MYBBP1A: variants seen among roughly 807,000 people sequenced by gnomAD.
MYBBP1A encodes myb-binding protein 1A.
A neutral mutation model predicts 136.3 loss-of-function variants in MYBBP1A; 147 were observed. That is an observed-to-expected ratio of 1.08 (90% CI 0.94 to 1.24). The LOEUF is 1.24. Ranked by LOEUF, MYBBP1A falls within the 50% of genes most tolerant of loss-of-function variation. MYBBP1A has a pLI of 0.00. For synonymous variants in MYBBP1A, 947 were observed against 735.8 expected (o/e 1.29, Z -4.65); for missense variants, 2,060 against 1,727.4 (o/e 1.19, Z -3.41).
At chr17:4,550,871 A>G (rs1907449287) in intron 8 of MYBBP1A, among the ~76,000 whole-genome samples, 1 of 152,110 alleles carries the variant, frequency 6.6e-6, no homozygotes, top group African/African-American at 2.4e-5. Flanking sequence ...ATTTTTAGCA[A>G]CTCTTTGCGG....
In MYBBP1A at chr17:4,552,099, C is replaced by T. The variant is rs200723070; in HGVS notation, c.905+26G>A. 9.6e-5 allele frequency: 154 copies of T among 1,606,734 alleles called. No homozygotes were observed. Among genetic ancestry groups the T allele is most frequent in the South Asian group, 3.0e-4 (27 of 89,868 alleles). ...CCACTTCACGGACAGGGAAGGGGGC[C>T]GAGAGAGGACACGCGTCGCCCGCAC... On this transcript the variant is annotated intron_variant, in intron 7 of 25. Coordinates refer to ENST00000254718, the MANE Select transcript of MYBBP1A (RefSeq NM_014520.4). The surrounding 1 kb of genome is among the most constrained non-coding windows in gnomAD (Gnocchi z 4.7).
Position 4,541,764 on chromosome 17 carries a change from G to A in MYBBP1A, c.3195+20C>T, listed in dbSNP as rs754970995. On this transcript the variant is annotated intron_variant, in intron 23 of 25. Coordinates refer to ENST00000254718, the MANE Select transcript of MYBBP1A (RefSeq NM_014520.4). ...AACTGATTCTGAGGGGGTGGGGAAA[G>A]GGCGCCCCCCGGCTGTTACCTCGGT... 8.1e-6 allele frequency: 13 copies of A among 1,602,210 alleles called. No individual in the cohort carries two copies. Among genetic ancestry groups the A allele is most frequent in the Non-Finnish European group, 9.4e-6 (11 of 1,169,680 alleles).
chr17:4,543,112 C>G lies in MYBBP1A; in HGVS notation c.2693G>C (p.Gly898Ala), dbSNP rs1906622689. ...CCGCTCCACCTGGGCGTGCAGGGCC[C>G]CTGCGCGCTCACCCAAGTCGTGGCA... ...RYCHDLGERAGALHAQVERLV... is the reference protein window; with the variant it reads ...RYCHDLGERAAALHAQVERLV... The change falls in exon 20 of 26, where the codon GGG (glycine) becomes GCG (alanine). Residue 898 changes from glycine to alanine, a missense_variant. Transcript: ENST00000254718. 1 of 1,612,098 alleles carries G rather than the reference C, an allele frequency of 6.2e-7. No individual in the cohort carries two copies. Among genetic ancestry groups the G allele is most frequent in the African/African-American group, 1.3e-5 (1 of 74,916 alleles).
At position 4,548,250 on chromosome 17, in the gene MYBBP1A, C is replaced by G. The variant is rs9907224; in HGVS notation, c.1617G>C (p.Gln539His). Residue 539 changes from glutamine to histidine, a missense_variant, in exon 12 of 26, where the codon CAG (glutamine) becomes CAC (histidine). Physicochemically the swap from Gln to His is conservative, Grantham distance 24. Coordinates refer to ENST00000254718, the MANE Select transcript of MYBBP1A (RefSeq NM_014520.4). The surrounding 1 kb of genome is among the most constrained non-coding windows in gnomAD (Gnocchi z 4.2). ...KQAPGQTQGG[Q>H]PWTYHLVQFA... ...ACTGCACCAGGTGGTAGGTCCAGGG[C>G]TGCCCACCCTGGGTCTGGCCCGGTG... 3 of 1,611,978 alleles carry G rather than the reference C, an allele frequency of 1.9e-6. No individual in the cohort carries two copies. The highest frequency in any genetic ancestry group is 1.7e-6 in the Non-Finnish European group (2 of 1,179,990).
Position 4,553,928 on chromosome 17 carries a change from C to T in MYBBP1A, c.454-11G>A, listed in dbSNP as rs1225102345. On this transcript the variant is annotated splice_polypyrimidine_tract_variant and intron_variant, in intron 4 of 25. Transcript: ENST00000254718. ...CAGTGCCTCCTGGTCCTGGTCCCCACAGAGGGACAGAGGGTATGAGCAGGG... is the reference window on the plus strand; with the variant it reads ...CAGTGCCTCCTGGTCCTGGTCCCCATAGAGGGACAGAGGGTATGAGCAGGG... 1 of 1,613,980 alleles carries T rather than the reference C, an allele frequency of 6.2e-7. No homozygotes were observed. Among genetic ancestry groups the T allele is most frequent in the Non-Finnish European group, 8.5e-7 (1 of 1,179,942 alleles).
At chr17:4,542,870 C>T (rs754248852) in intron 20 of MYBBP1A, 43 bp downstream of exon 20, 18 of 1,609,142 alleles carry the variant, frequency 1.1e-5, no homozygotes, top group Non-Finnish European at 1.4e-5. Context: ...CACTCCCTGG[C>T]TGTGAAATGC....
Position 4,549,411 on chromosome 17 carries a change from A to G in MYBBP1A, c.1351T>C (p.Trp451Arg). Residue 451 changes from tryptophan to arginine, a missense_variant, in exon 10 of 26, where the codon TGG becomes CGG. Transcript: ENST00000254718. ...ATGCTCACCAATCGAAAGATGATCC[A>G]TTTCCTCAGCCGGAACACAGCTCGC... ...PERAVFRLRK[W>R]IIFRLVSIVD... 6.2e-7 allele frequency: 1 copy of G among 1,613,258 alleles called. No homozygotes were observed. Among genetic ancestry groups the G allele is most frequent in the South Asian group, 1.1e-5 (1 of 91,076 alleles).
chr17:4,544,688 ACAGGGAGGCGGGGGTGGGCG>A (rs748637062), intron 18 of MYBBP1A, 42 bp from the exon 19 acceptor site: 1 of 1,375,510 alleles, frequency 7.3e-7, no homozygotes, highest in African/African-American at 1.8e-5. Context: ...GGGTGGGCGC[ACAGGGAGGCGGGGGTGGGCG>A]CACAGGGAGG....
chr17:4,546,491 C>G (rs1309818210), intron 13 of MYBBP1A, among the ~76,000 whole-genome samples: 1 of 152,094 alleles, frequency 6.6e-6, no homozygotes. Context: ...GACAAGGAGT[C>G]CAACTCCCCC....
intron 19 of MYBBP1A, among the ~76,000 whole-genome samples, chr17:4,543,736 G>A (rs1460099556): frequency 6.6e-6 from 1 of 151,932 alleles, no homozygotes; most frequent in Non-Finnish European, 1.5e-5. Context: ...CCCAGCACCT[G>A]AGCTCTGAAG....
intron 24 of MYBBP1A, 82 bp from the exon 25 acceptor site, chr17:4,540,566 TGTTGCTGCCTC>T: frequency 6.9e-7 from 1 of 1,438,900 alleles, no homozygotes; most frequent in Non-Finnish European, 9.2e-7. Flanking sequence ...ACCTCTGCCC[TGTTGCTGCCTC>T]ACCAGTGACC....
In MYBBP1A at chr17:4,549,316, C is replaced by A. The variant is rs1445763796; in HGVS notation, c.1430+16G>T. ...CACACGCCCATGGGAAGCTGGGAAT[C>A]CAGCACAGCTCGCACCTGGCCACCT... On this transcript the variant is annotated intron_variant, in intron 10 of 25. Coordinates refer to ENST00000254718, the MANE Select transcript of MYBBP1A (RefSeq NM_014520.4). 6.2e-7 allele frequency: 1 copy of A among 1,606,744 alleles called. No homozygotes were observed. Among genetic ancestry groups the A allele is most frequent in the Non-Finnish European group, 8.5e-7 (1 of 1,178,746 alleles).
In MYBBP1A at chr17:4,545,094, G is replaced by GCTC; in HGVS notation, c.2239_2241dup (p.Glu747dup). 2 of 1,594,690 alleles carry GCTC rather than the reference G, an allele frequency of 1.3e-6. No homozygotes were observed. The highest frequency in any genetic ancestry group is 1.7e-6 in the Non-Finnish European group (2 of 1,171,812). On this transcript the variant is annotated inframe_insertion, in exon 17 of 26. Coordinates refer to ENST00000254718, the MANE Select transcript of MYBBP1A (RefSeq NM_014520.4). ...AAGCCCTGATCCACGTCCCCGTCGC[G>GCTC]CTCCTCCTCCTCGCTCTCCTCCCCC... is the stretch of plus-strand genomic sequence containing the variant.
In MYBBP1A at chr17:4,548,072, G is replaced by A. The variant is rs749013537; in HGVS notation, c.1725-15C>T. On this transcript the variant is annotated splice_polypyrimidine_tract_variant and intron_variant, in intron 12 of 25. Transcript: ENST00000254718. The surrounding 1 kb of genome is among the most constrained non-coding windows in gnomAD (Gnocchi z 4.2). ...TCTGCAGCATCCTGCGGGGAGACAG[G>A]CGATTCCCAGGCCCCTGCACCAGTC... 6.3e-7 allele frequency: 1 copy of A among 1,589,488 alleles called. No homozygotes were observed. Among genetic ancestry groups the A allele is most frequent in the African/African-American group, 1.3e-5 (1 of 74,662 alleles).
intron 25 of MYBBP1A, 43 bp downstream of exon 25, chr17:4,540,305 C>T (rs373609663): frequency 1.3e-6 from 2 of 1,562,974 alleles, no homozygotes; most frequent in Non-Finnish European, 1.7e-6. Context: ...TGAGGGTGTT[C>T]CCAGCCCCTA....
chr17:4,547,715 T>C, intron 13 of MYBBP1A: 1 of 432,664 alleles, frequency 2.3e-6, no homozygotes, highest in Non-Finnish European at 4.1e-6. Context: ...GGAGAGGGGG[T>C]GTCTGCCTCA....
intron 9 of MYBBP1A, 53 bp downstream of exon 9, chr17:4,550,005 A>G: frequency 1.9e-6 from 3 of 1,549,666 alleles, no homozygotes; most frequent in Non-Finnish European, 2.6e-6. Context: ...GGGGCTCTGC[A>G]GGCCTAGGAA....
rs1907366413 is a variant in MYBBP1A at position 4,550,069 on chromosome 17, T to C, written c.1308A>G (p.Ser436=). 6.2e-7 allele frequency: 1 copy of C among 1,611,492 alleles called. No individual in the cohort carries two copies. Among genetic ancestry groups the C allele is most frequent in the Non-Finnish European group, 8.5e-7 (1 of 1,178,234 alleles). The stretch of plus-strand genomic sequence containing the variant: ...CAAGGTCCACTCACATGTGGAGCGA[T>C]GAATCCTGGGCTTTCTTCTGGTTGT... ...STNNQKKAQD[S]SLHMPERAVF... Residue 436 remains serine, a synonymous_variant, in exon 9 of 26, where the codon TCA becomes TCG. Transcript: ENST00000254718.
chr17:4,540,625 G>A, intron 24 of MYBBP1A, 141 bp from the exon 25 acceptor site: 1 of 1,065,408 alleles, frequency 9.4e-7, no homozygotes, highest in South Asian at 2.2e-5. Context: ...CCTTCTGCCT[G>A]TTAAGTCATC....
Sources: gnomAD v4.1 joint callset for allele counts (sites outside exome capture counted in the v4.1 genomes callset) on GRCh38, gnomAD v4.1.1 for gene constraint, Gnocchi (gnomAD v3.1) non-coding constraint, MANE v1.5 for transcripts, NCBI Gene and HGNC (gene_info 2026-07-23, HGNC 2026-07-21) for gene names.